ASMTL: variants seen among roughly 807,000 people sequenced by gnomAD.
ASMTL encodes the protein probable bifunctional dTTP/UTP pyrophosphatase/methyltransferase protein.
In ASMTL, 57 loss-of-function variants were observed where a neutral mutation model predicts 60.3. The observed-to-expected ratio is 0.95, with a 90% CI of 0.76 to 1.18. The LOEUF (loss-of-function observed/expected upper bound fraction) is 1.18. ASMTL is among the 50% of genes most tolerant of loss of function. The pLI is 0.00. For missense variants in ASMTL, 981 were observed against 852.6 expected (o/e 1.15, Z -1.88); for synonymous variants, 419 against 373.0 (o/e 1.12, Z -1.42).
intron 6 of ASMTL, among the ~76,000 whole-genome samples, chrX:1,431,327 A>G (rs1360115823): frequency 3.0e-4 from 39 of 131,618 alleles, no homozygotes; most frequent in Admixed American, 5.1e-4. Context: ...TTTTATATAT[A>G]ATTATAAATA....
At chrX:1,435,952 C>G (rs1156562888) in intron 3 of ASMTL, among the ~76,000 whole-genome samples, 194 bp from the exon 4 acceptor site, 1 of 152,130 alleles carries the variant, frequency 6.6e-6, no homozygotes, top group Non-Finnish European at 1.5e-5. Context: ...AGGATGTTCT[C>G]TTCACTCCAG....
intron 12 of ASMTL, among the ~76,000 whole-genome samples, chrX:1,405,856 T>A (rs1183104691): frequency 1.3e-5 from 2 of 150,914 alleles, no homozygotes; most frequent in Non-Finnish European, 3.0e-5. Context: ...GGTAGATGGA[T>A]GGATGGATAG....
chrX:1,417,240 T>TCACATA (rs1224849685), intron 11 of ASMTL, among the ~76,000 whole-genome samples: 1 of 142,750 alleles, frequency 7.0e-6, no homozygotes. Flanking sequence ...ACCACAGCAG[T>TCACATA]CACATACACA....
At position 1,425,701 on chromosome X, in the gene ASMTL, G is replaced by C; in HGVS notation, c.898-14C>G. ...GGTGAGCAGGCCCTGTTAAAAGCAA[G>C]TGCAGAGAGACTCATTAAGTCCCTT... On this transcript the variant is annotated splice_polypyrimidine_tract_variant and intron_variant, in intron 7 of 12. Transcript: ENST00000381317. The C allele has an allele frequency of 6.2e-7, 1 of 1,612,076 alleles. No individual in the cohort carries two copies. The highest frequency in any genetic ancestry group is 2.2e-5 in the East Asian group (1 of 44,850).
rs754705456 is a variant in ASMTL at position 1,419,017 on chromosome X, T to C, written c.1343A>G (p.Asn448Ser). The C allele has an allele frequency of 1.2e-6, 2 of 1,611,650 alleles. No homozygotes were observed. Among genetic ancestry groups the C allele is most frequent in the African/African-American group, 1.3e-5 (1 of 74,852 alleles). ...GCAGGCGGAGGAGAAGCGGGACAGA[T>C]TGAAGGCCGTGGCCACCTGGCACGC... ...LTACQVATAF[N>S]LSRFSSACDV... The change falls in exon 10 of 13, where the codon AAT becomes AGT. Residue 448 changes from asparagine (N) to serine (S), a missense_variant. Transcript: ENST00000381317.
chrX:1,434,428 T>C (rs773079841), intron 5 of ASMTL, among the ~76,000 whole-genome samples: 1 of 149,360 alleles, frequency 6.7e-6, no homozygotes, highest in Non-Finnish European at 1.5e-5. Flanking sequence ...AGGTCGAGGC[T>C]GCAGTGAGCT....
rs1419087756 is a variant in ASMTL at position 1,416,721 on chromosome X, C to G, written c.1522+1252G>C. Among the ~76,000 whole-genome samples the G allele has an allele frequency of 4.9e-5, 6 of 123,704 alleles. 1 individual carries two copies. The highest frequency in any genetic ancestry group is 1.0e-4 in the Non-Finnish European group (6 of 58,236). The allele number at this position is 123,704 out of a possible 152,430, so 81.2% of individuals were successfully genotyped here. ...AGACACATTCTTACGCACGCACACA[C>G]AAGGACATACCACACACAGTCAGTC... On this transcript the variant is annotated intron_variant, in intron 11 of 12. Coordinates refer to ENST00000381317, the MANE Select transcript of ASMTL (RefSeq NM_004192.4).
At position 1,418,886 on chromosome X, in the gene ASMTL, A is replaced by T. The variant is rs1226726816; in HGVS notation, c.1378+96T>A. On this transcript the variant is annotated intron_variant, in intron 10 of 12. Coordinates refer to ENST00000381317, the MANE Select transcript of ASMTL (RefSeq NM_004192.4). ...GGTTCAGGTCGTTATCAGGTTTGTC[A>T]ATGGAAAAAGGCAGTTGGTAGGTGT... 24 of 1,499,624 alleles carry T rather than the reference A, an allele frequency of 1.6e-5. No individual in the cohort carries two copies. In the Admixed American group the frequency reaches 2.5e-4, roughly 15 times the overall value. 92.9% of individuals were successfully genotyped at this position (1,499,624 alleles called of 1,614,324 possible). A position where few individuals can be genotyped will look rare whatever the true frequency, so the allele number is the denominator to read the frequency against.
intron 5 of ASMTL, among the ~76,000 whole-genome samples, chrX:1,434,040 C>T (rs1372308824): frequency 2.0e-5 from 3 of 152,232 alleles, no homozygotes; most frequent in Admixed American, 6.5e-5. Context: ...GGGACCCGGC[C>T]CTTCACCTGT....
chrX:1,437,713 T>C (rs759800754), intron 3 of ASMTL, among the ~76,000 whole-genome samples: 4 of 151,430 alleles, frequency 2.6e-5, no homozygotes, highest in African/African-American at 4.8e-5. Context: ...CTGGCCAACA[T>C]GGTGAAACCC....
At chrX:1,434,738 T>C (rs1303061155) in intron 5 of ASMTL, among the ~76,000 whole-genome samples, 1 of 144,630 alleles carries the variant, frequency 6.9e-6, no homozygotes, top group African/African-American at 2.6e-5. Flanking sequence ...GAGGTTGCAG[T>C]GAGCTGAGAT....
chrX:1,452,101 C>A (rs2091407548), intron 1 of ASMTL, among the ~76,000 whole-genome samples: 1 of 150,680 alleles, frequency 6.6e-6, no homozygotes, highest in Admixed American at 6.6e-5. Flanking sequence ...TCCCCTCCCC[C>A]ATCCCTAGGG....
intron 11 of ASMTL, among the ~76,000 whole-genome samples, chrX:1,417,208 C>T (rs1379674191): frequency 6.6e-6 from 1 of 151,238 alleles, no homozygotes; most frequent in Non-Finnish European, 1.5e-5. Context: ...TACACACAGA[C>T]ACATGCACAC....
At position 1,437,335 on chromosome X, in the gene ASMTL, G is replaced by A. The variant is rs1372827247; in HGVS notation, c.274-1577C>T. On this transcript the variant is annotated intron_variant, in intron 3 of 12. Transcript: ENST00000381317. ...GAGGTGTCTTAGTCCATTTCAGGCT[G>A]CTAAAACAATACTATAGACTGGGTG... Among the ~76,000 whole-genome samples the A allele has an allele frequency of 5.3e-5, 8 of 149,648 alleles. No individual in the cohort carries two copies. The South Asian group carries it at 1.5e-3, about 28-fold the overall frequency.
intron 1 of ASMTL, among the ~76,000 whole-genome samples, chrX:1,449,002 A>G (rs1400311409): frequency 6.6e-6 from 1 of 152,162 alleles, no homozygotes; most frequent in Non-Finnish European, 1.5e-5. Flanking sequence ...CCTGAAATAA[A>G]CCGCCTCTGA....
rs147691938 is a variant in ASMTL, at chrX:1,438,278, C to G, written c.273+819G>C. ...AGCCTGGGCAACACAGTGAGACTCT[C>G]TCTCAAAAAAAAAAAAGAAGAGGGA... is the stretch of plus-strand genomic sequence containing the variant. On this transcript the variant is annotated intron_variant, in intron 3 of 12. Coordinates refer to ENST00000381317, the MANE Select transcript of ASMTL (RefSeq NM_004192.4). 7.3e-3 allele frequency among the ~76,000 whole-genome samples: 930 copies of G among 127,636 alleles called. 9 individuals are homozygous for G. The highest frequency in any genetic ancestry group is 0.026 in the African/African-American group (887 of 33,916). The allele number at this position is 127,636 out of a possible 152,430, so 83.7% of individuals were successfully genotyped here. A position where few individuals can be genotyped will look rare whatever the true frequency, so the allele number is the denominator to read the frequency against.
chrX:1,446,084 T>C (rs2091224736), intron 1 of ASMTL, among the ~76,000 whole-genome samples: 1 of 152,212 alleles, frequency 6.6e-6, no homozygotes, highest in Non-Finnish European at 1.5e-5. Flanking sequence ...TTCCATCCTG[T>C]ACACCTGGCT....
chrX:1,411,040 C>T (rs2089998458), intron 12 of ASMTL, among the ~76,000 whole-genome samples: 1 of 150,882 alleles, frequency 6.6e-6, no homozygotes, highest in Non-Finnish European at 1.5e-5. Context: ...AAAAAATTAG[C>T]CGGGCGTGGT....
rs755773476 is a variant in ASMTL at position 1,430,645 on chromosome X, G to A, written c.509+1624C>T. 2.8e-4 allele frequency among the ~76,000 whole-genome samples: 43 copies of A among 151,702 alleles called. 1 individual carries two copies. The South Asian group carries it at 7.9e-3, about 28-fold the overall frequency. On this transcript the variant is annotated intron_variant, in intron 6 of 12. Coordinates refer to ENST00000381317, the MANE Select transcript of ASMTL (RefSeq NM_004192.4). ...AAATTAGCCAGGCGTGGTGGTATGC[G>A]TCTGCAGACCCAGCCACTAGTGGGG... is the stretch of plus-strand genomic sequence containing the variant.
Sources: gnomAD v4.1 joint callset for allele counts (sites outside exome capture counted in the v4.1 genomes callset) on GRCh38, gnomAD v4.1.1 for gene constraint, MANE v1.5 for transcripts, NCBI Gene and HGNC (gene_info 2026-07-23, HGNC 2026-07-21) for gene names.